Variants in SHC4 observed in about 807,000 individuals in gnomAD.
SHC4 encodes the protein SHC-transforming protein 4.
SHC4 carries 41 observed loss-of-function variants against 69.4 expected under a neutral mutation model. The observed-to-expected ratio is 0.59, with a 90% CI of 0.46 to 0.77. The LOEUF is 0.77. Ranked by LOEUF, SHC4 falls within the 30% of genes least tolerant of loss-of-function variation. The pLI is 0.00. For synonymous variants in SHC4, 318 were observed against 299.3 expected (o/e 1.06, Z -0.64); for missense variants, 777 against 783.8 (o/e 0.99, Z 0.10).
chr15:48,869,842 T>C (rs1899632469), intron 5 of SHC4, among the ~76,000 whole-genome samples: 1 of 152,216 alleles, frequency 6.6e-6, no homozygotes. Context: ...ATCAACAGGC[T>C]TTCTCACCAG....
chr15:48,828,564 G>C (rs997114125), intron 11 of SHC4, among the ~76,000 whole-genome samples: 4 of 151,946 alleles, frequency 2.6e-5, no homozygotes, highest in Admixed American at 6.6e-5. Flanking sequence ...TTAATTTTTC[G>C]AGAAACCTCC....
chr15:48,872,047 T>C (rs762277156), intron 5 of SHC4, 42 bp downstream of exon 5: 2 of 1,291,954 alleles, frequency 1.5e-6, no homozygotes, highest in African/African-American at 3.0e-5. Context: ...GTCAAGAAGT[T>C]ATTTTAACTC....
intron 3 of SHC4, among the ~76,000 whole-genome samples, chr15:48,885,022 A>G (rs550865640): frequency 1.7e-4 from 26 of 152,348 alleles, no homozygotes; most frequent in African/African-American, 6.0e-4. Flanking sequence ...AAGATGATTT[A>G]CCAGAAATTA....
chr15:48,894,067 C>T (rs968591943), intron 2 of SHC4, among the ~76,000 whole-genome samples: 6 of 152,124 alleles, frequency 3.9e-5, no homozygotes, highest in African/African-American at 7.2e-5. Flanking sequence ...GAAACCAACC[C>T]GAAGTCTTGT....
At chr15:48,892,645 T>A (rs919840080) in intron 2 of SHC4, among the ~76,000 whole-genome samples, 1 of 152,106 alleles carries the variant, frequency 6.6e-6, no homozygotes, top group South Asian at 2.1e-4. Context: ...TAAAGAGGTA[T>A]TATAAGATAG....
At position 48,962,780 on chromosome 15, in the gene SHC4, C is replaced by G. The variant is rs763254343; in HGVS notation, c.236G>C (p.Ser79Thr). The change falls in exon 1 of 12, where the codon AGC becomes ACC. Residue 79 changes from serine to threonine, a missense_variant. Coordinates refer to ENST00000332408, the MANE Select transcript of SHC4 (RefSeq NM_203349.4). ...GATCAAGGTGCACAGTGGGGTGGGG[C>G]TCTCCTGCGACGGCAAGGTGGCATC... ...TEDATLPSQE[S>T]PTPLCTLIPR... The G allele has an allele frequency of 2.5e-6, 4 of 1,612,412 alleles. No homozygotes were observed. In the South Asian group the frequency reaches 4.4e-5, roughly 18 times the overall value.
At chr15:48,874,791 T>G (rs181592984) in intron 4 of SHC4, among the ~76,000 whole-genome samples, 1 of 152,234 alleles carries the variant, frequency 6.6e-6, no homozygotes, top group Non-Finnish European at 1.5e-5. Context: ...GGTGGCAGGC[T>G]ACATAGTGGC....
At chr15:48,878,134 G>T (rs755909892) in intron 4 of SHC4, 2 of 1,517,346 alleles carry the variant, frequency 1.3e-6, no homozygotes, top group Admixed American at 4.4e-5. Flanking sequence ...CGCAGCATCT[G>T]TCTTGCTGGA....
intron 6 of SHC4, among the ~76,000 whole-genome samples, chr15:48,863,057 A>G (rs1360034950): frequency 1.7e-5 from 2 of 114,734 alleles, no homozygotes; most frequent in Non-Finnish European, 3.6e-5. Flanking sequence ...TTTCTCCTGG[A>G]TGAAACAAAC....
rs1364202514 is a variant in SHC4, at chr15:48,909,115, T to C, written c.656+15764A>G. Among the ~76,000 whole-genome samples the C allele has an allele frequency of 2.0e-5, 3 of 152,206 alleles. 1 individual carries two copies. The highest frequency in any genetic ancestry group is 4.1e-4 in the South Asian group (2 of 4,834). On this transcript the variant is annotated intron_variant, in intron 2 of 11. Coordinates refer to ENST00000332408, the MANE Select transcript of SHC4 (RefSeq NM_203349.4). ...TGGTGGTATTTTGATGAGAACTGCA[T>C]TGAATTTGTAGATTGCTTTTGGCAG... is the stretch of plus-strand genomic sequence containing the variant.
chr15:48,901,909 AAC>A (rs1486544182), intron 2 of SHC4, among the ~76,000 whole-genome samples: 1 of 152,194 alleles, frequency 6.6e-6, no homozygotes, highest in African/African-American at 2.4e-5. Flanking sequence ...CTACTTTAAG[AAC>A]TGGGTCTAGG....
chr15:48,879,042 T>C (rs914025595), intron 4 of SHC4: 1 of 279,176 alleles, frequency 3.6e-6, no homozygotes, highest in Non-Finnish European at 7.2e-6. Context: ...GGAAAATATC[T>C]TTCATATTTG....
At chr15:48,843,033 G>A (rs1213091673) in intron 10 of SHC4, among the ~76,000 whole-genome samples, 1 of 152,118 alleles carries the variant, frequency 6.6e-6, no homozygotes, top group Non-Finnish European at 1.5e-5. Flanking sequence ...ATTAAATTAA[G>A]GATCTTGAGA....
rs761453936 is a variant in SHC4, at chr15:48,963,468, C to T, written c.-453G>A. 3.6e-5 allele frequency: 6 copies of T among 167,270 alleles called. No homozygotes were observed. Among genetic ancestry groups the T allele is most frequent in the Non-Finnish European group, 1.3e-5 (1 of 78,094 alleles). The allele number at this position is 167,270 out of a possible 1,614,324, so 10.4% of individuals were successfully genotyped here. On this transcript the variant is annotated 5_prime_UTR_variant, in exon 1 of 12. Coordinates refer to ENST00000332408, the MANE Select transcript of SHC4 (RefSeq NM_203349.4). ...CTGCACACAGGAACTTTCGAACCTG[C>T]TCCCTTCGGCTCTCACAGGGCGGGG...
chr15:48,932,592 C>G (rs559374206), intron 1 of SHC4, among the ~76,000 whole-genome samples: 1 of 152,158 alleles, frequency 6.6e-6, no homozygotes, highest in Non-Finnish European at 1.5e-5. Context: ...TTGCTCCTCC[C>G]TCTTGAAATG....
At chr15:48,862,196 GTTT>G (rs377462915) in intron 6 of SHC4, among the ~76,000 whole-genome samples, 1 of 146,098 alleles carries the variant, frequency 6.8e-6, no homozygotes, top group African/African-American at 2.5e-5. Context: ...TGGTTTTGGG[GTTT>G]TTTTTTTTTT....
chr15:48,861,637 G>A (rs926518639), intron 6 of SHC4, among the ~76,000 whole-genome samples: 3 of 152,152 alleles, frequency 2.0e-5, no homozygotes, highest in Non-Finnish European at 2.9e-5. Context: ...AAAAAAGAGG[G>A]TGCCTTTTCA....
At chr15:48,887,418 A>C (rs1900054263) in intron 3 of SHC4, among the ~76,000 whole-genome samples, 1 of 152,224 alleles carries the variant, frequency 6.6e-6, no homozygotes, top group African/African-American at 2.4e-5. Context: ...AATGGGGATA[A>C]ATAATAACAC....
At chr15:48,915,275 G>A (rs115585059) in intron 2 of SHC4, among the ~76,000 whole-genome samples, 2,150 of 152,254 alleles carry the variant, frequency 0.014, 47 homozygotes, top group African/African-American at 0.049. Flanking sequence ...GGTACAATTG[G>A]CTTTCATACC....
Sources: allele counts gnomAD v4.1 joint callset (sites outside exome capture counted in the v4.1 genomes callset), GRCh38; gene constraint gnomAD v4.1.1; transcripts MANE v1.5; gene names NCBI Gene and HGNC (gene_info 2026-07-23, HGNC 2026-07-21).